CCDC92B: variants seen among roughly 807,000 people sequenced by gnomAD.
CCDC92B encodes coiled-coil domain containing 92B.
In CCDC92B, 2 loss-of-function variants were observed where a neutral mutation model predicts 5.6. The ratio of observed to expected loss-of-function variants is 0.36; its 90% CI spans 0.15 to 1.12. The LOEUF (loss-of-function observed/expected upper bound fraction) is 1.12, where lower values mean the gene tolerates loss of function less well. CCDC92B is among the 50% of genes most tolerant of loss of function. CCDC92B has a pLI of 0.40. For synonymous variants in CCDC92B, 115 were observed against 122.3 expected (o/e 0.94, Z 0.39); for missense variants, 271 against 262.2 (o/e 1.03, Z -0.23).
chr17:2,739,952 G>A (rs2070908676), intron 1 of CCDC92B, among the ~76,000 whole-genome samples: 1 of 151,932 alleles, frequency 6.6e-6, no homozygotes, highest in South Asian at 2.1e-4. Flanking sequence ...GATCTCACGG[G>A]GTGAAGAGAA....
At chr17:2,742,721 A>T (rs1194599169) in intron 1 of CCDC92B, among the ~76,000 whole-genome samples, 1 of 152,140 alleles carries the variant, frequency 6.6e-6, no homozygotes, top group Non-Finnish European at 1.5e-5. Context: ...CCTGGCTGCT[A>T]GACTGATGAC....
chr17:2,745,066 CAAAAAAAAAA>C (rs60179555), intron 1 of CCDC92B, among the ~76,000 whole-genome samples: 3 of 79,348 alleles, frequency 3.8e-5, no homozygotes, highest in African/African-American at 1.4e-4. Context: ...GACCCTGTCT[CAAAAAAAAAA>C]AAAAAAAAAA....
chr17:2,740,269 C>G (rs778958946), intron 1 of CCDC92B, among the ~76,000 whole-genome samples: 1 of 151,960 alleles, frequency 6.6e-6, no homozygotes, highest in Non-Finnish European at 1.5e-5. Flanking sequence ...AGGCTATACA[C>G]AAAGGTAAAG....
chr17:2,738,060 T>C, intron 1 of CCDC92B, among the ~76,000 whole-genome samples: 1 of 151,402 alleles, frequency 6.6e-6, no homozygotes, highest in East Asian at 2.0e-4. Flanking sequence ...CTGGGAACAG[T>C]CCTAGGTTTG....
rs1321129115 is a variant in CCDC92B, at chr17:2,721,383, AGAG to A, written c.*3025_*3027del. The A allele has an allele frequency of 7.2e-5, 11 of 152,332 alleles. No homozygotes were observed. Among genetic ancestry groups the A allele is most frequent in the Admixed American group, 3.9e-4 (6 of 15,288 alleles). 9.4% of individuals were successfully genotyped at this position (152,332 alleles called of 1,614,324 possible). On this transcript the variant is annotated 3_prime_UTR_variant, in exon 4 of 4. Coordinates refer to ENST00000614400, the MANE Select transcript of CCDC92B (RefSeq NM_001355573.2). ...CTCTCCCAATGGGGATTCGTGCAGC[AGAG>A]GAGAGAGAAATGCAGTCCTTTCCCT...
At chr17:2,746,013 C>T (rs2070982014) in intron 1 of CCDC92B, among the ~76,000 whole-genome samples, 2 of 151,854 alleles carry the variant, frequency 1.3e-5, no homozygotes, top group Admixed American at 6.6e-5. Context: ...TGGAGTTTTG[C>T]TCTTGTTGCC....
At chr17:2,739,229 T>G (rs906706856) in intron 1 of CCDC92B, among the ~76,000 whole-genome samples, 2 of 148,818 alleles carry the variant, frequency 1.3e-5, no homozygotes, top group Non-Finnish European at 3.0e-5. Flanking sequence ...TAGCTGGGTG[T>G]GGTGGCGGGC....
At chr17:2,747,544 T>C (rs902787096) in intron 1 of CCDC92B, among the ~76,000 whole-genome samples, 1 of 152,090 alleles carries the variant, frequency 6.6e-6, no homozygotes, top group Non-Finnish European at 1.5e-5. Flanking sequence ...CTGGCCAACA[T>C]GGCAAAACCC....
rs1324395323 is a variant in CCDC92B, at chr17:2,724,690, C to A, written c.489G>T (p.Glu163Asp). ...GCAGTGCGCGGCGGCGTGGCCTGGG[C>A]TCGGCGGTGGCGCCGGGGCCCGGGC... ...APRPGPGATA[E>D]PRPRRRALRA... is the part of the protein sequence containing the mutation. The change falls in exon 4 of 4, where the codon GAG becomes GAT. Residue 163 changes from glutamate to aspartate, a missense_variant. Coordinates refer to ENST00000614400, the MANE Select transcript of CCDC92B (RefSeq NM_001355573.2). The surrounding 1 kb of genome is among the most constrained non-coding windows in gnomAD (Gnocchi z 5.0). 13 of 982,446 alleles carry A rather than the reference C, an allele frequency of 1.3e-5. No individual in the cohort carries two copies. In the South Asian group the frequency reaches 5.4e-4, roughly 41 times the overall value. 60.9% of individuals were successfully genotyped at this position (982,446 alleles called of 1,614,324 possible).
At chr17:2,737,647 T>C (rs1227143122) in intron 1 of CCDC92B, among the ~76,000 whole-genome samples, 1 of 151,662 alleles carries the variant, frequency 6.6e-6, no homozygotes, top group East Asian at 1.9e-4. Flanking sequence ...AATTTTATTT[T>C]TGTATTTTTA....
In CCDC92B at chr17:2,724,104, C is replaced by G; in HGVS notation, c.*307G>C. 2.0e-6 allele frequency: 2 copies of G among 985,320 alleles called. No homozygotes were observed. The highest frequency in any genetic ancestry group is 4.7e-5 in the South Asian group (1 of 21,284). 61.0% of individuals were successfully genotyped at this position (985,320 alleles called of 1,614,324 possible). A position where few individuals can be genotyped will look rare whatever the true frequency, so the allele number is the denominator to read the frequency against. ...TTCCCGGGGAAGGGCGTGGCCCCCG[C>G]CCCTCCTGTCTCACAGGCAGGTGGG... On this transcript the variant is annotated 3_prime_UTR_variant, in exon 4 of 4. Transcript: ENST00000614400. This position sits in a 1 kb window ranked among gnomAD's most constrained non-coding sequence, Gnocchi z 5.0.
chr17:2,725,121 C>G, intron 3 of CCDC92B, 121 bp from the exon 4 acceptor site: 1 of 985,706 alleles, frequency 1.0e-6, no homozygotes, highest in Non-Finnish European at 1.2e-6. Flanking sequence ...TTCTGCAATC[C>G]CAGCACTTTG....
chr17:2,749,127 A>T (rs983096738), intron 1 of CCDC92B, among the ~76,000 whole-genome samples: 10 of 152,224 alleles, frequency 6.6e-5, no homozygotes, highest in Non-Finnish European at 1.5e-4. Context: ...GAGGTAGCAG[A>T]GAGGAGGGCA....
chr17:2,739,408 C>T (rs149759743), intron 1 of CCDC92B, among the ~76,000 whole-genome samples: 2,364 of 151,006 alleles, frequency 0.016, 22 homozygotes, highest in Non-Finnish European at 0.027. Context: ...AGGCTGGGCG[C>T]GGTGGCTCAT....
chr17:2,728,346 G>A (rs566272594), intron 3 of CCDC92B, among the ~76,000 whole-genome samples: 25 of 151,100 alleles, frequency 1.7e-4, no homozygotes, highest in South Asian at 6.3e-4. Context: ...GGTGGCTCAT[G>A]CCTGTAATCC....
chr17:2,741,058 T>C (rs1343520267), intron 1 of CCDC92B, among the ~76,000 whole-genome samples: 1 of 151,712 alleles, frequency 6.6e-6, no homozygotes, highest in East Asian at 1.9e-4. Flanking sequence ...CCACTATGTT[T>C]ATGATAATTT....
At position 2,723,045 on chromosome 17, in the gene CCDC92B, C is replaced by T. The variant is rs1409825902; in HGVS notation, c.*1366G>A. The T allele has an allele frequency of 6.6e-6, 1 of 152,566 alleles. No individual in the cohort carries two copies. The highest frequency in any genetic ancestry group is 6.5e-5 in the Admixed American group (1 of 15,294). 9.5% of individuals were successfully genotyped at this position (152,566 alleles called of 1,614,324 possible). A position where few individuals can be genotyped will look rare whatever the true frequency, so the allele number is the denominator to read the frequency against. On this transcript the variant is annotated 3_prime_UTR_variant, in exon 4 of 4. Coordinates refer to ENST00000614400, the MANE Select transcript of CCDC92B (RefSeq NM_001355573.2). ...GGCTAGACAGCAGGGAACTGAGCAGCCCGCCACTGCCAGATTCTGATAGGT... is the reference window on the plus strand; with the variant it reads ...GGCTAGACAGCAGGGAACTGAGCAGTCCGCCACTGCCAGATTCTGATAGGT...
chr17:2,748,502 G>A lies in CCDC92B; in HGVS notation c.-24+909C>T, dbSNP rs111821895. 1.9e-3 allele frequency: 1,761 copies of A among 923,474 alleles called. 16 individuals are homozygous for A. The African/African-American group carries it at 0.041, about 21-fold the overall frequency. The allele number at this position is 923,474 out of a possible 1,614,324, so 57.2% of individuals were successfully genotyped here. A position where few individuals can be genotyped will look rare whatever the true frequency, so the allele number is the denominator to read the frequency against. ...CCGTGCAAAGCCATAAGTCTTCATCGTGTTTGTGTGTGTGTGTGTGTGTGT... is the reference window on the plus strand; with the variant it reads ...CCGTGCAAAGCCATAAGTCTTCATCATGTTTGTGTGTGTGTGTGTGTGTGT... On this transcript the variant is annotated intron_variant, in intron 1 of 3. Coordinates refer to ENST00000614400, the MANE Select transcript of CCDC92B (RefSeq NM_001355573.2).
chr17:2,728,334 G>A (rs1392000272), intron 3 of CCDC92B, among the ~76,000 whole-genome samples: 14 of 147,334 alleles, frequency 9.5e-5, no homozygotes, highest in Non-Finnish European at 1.5e-4. Context: ...AAGGCCAGAC[G>A]CGGTGGCTCA....
Sources: gnomAD v4.1 joint callset for allele counts (sites outside exome capture counted in the v4.1 genomes callset) on GRCh38, gnomAD v4.1.1 for gene constraint, Gnocchi (gnomAD v3.1) non-coding constraint, MANE v1.5 for transcripts, NCBI Gene and HGNC (gene_info 2026-07-23, HGNC 2026-07-21) for gene names.